The following DSTYK variants were observed in gnomAD, a reference collection of about 807,000 sequenced individuals.
DSTYK encodes the protein dual serine/threonine and tyrosine protein kinase, also known as RIP-homologous kinase.
In DSTYK, 34 loss-of-function variants were observed where a neutral mutation model predicts 98.7. That is an observed-to-expected ratio of 0.34 (90% CI 0.26 to 0.46). DSTYK has a LOEUF of 0.46. Among genes scored for constraint, DSTYK ranks in the 20% least tolerant of loss-of-function variants. The pLI, the probability that DSTYK is intolerant of heterozygous loss-of-function variation, is 1.00. For missense variants in DSTYK, 962 were observed against 1,181.7 expected, an observed-to-expected ratio of 0.81 and a Z score of 2.73; for synonymous variants, 462 against 457.3, an observed-to-expected ratio of 1.01 and a Z score of -0.13.
At chr1:205,160,573 T>G (rs1283851624) in intron 7 of DSTYK, among the ~76,000 whole-genome samples, 2 of 152,046 alleles carry the variant, frequency 1.3e-5, no homozygotes, top group Non-Finnish European at 2.9e-5. Context: ...TGGGCTCAAG[T>G]GATCCACCCA....
intron 1 of DSTYK, among the ~76,000 whole-genome samples, chr1:205,207,017 G>A (rs983202502): frequency 6.6e-6 from 1 of 151,680 alleles, no homozygotes; most frequent in African/African-American, 2.4e-5. Context: ...GTGAAACCAG[G>A]ATTCAAAGAA....
chr1:205,168,896 G>A (rs1305030032), intron 3 of DSTYK, among the ~76,000 whole-genome samples: 1 of 152,200 alleles, frequency 6.6e-6, no homozygotes, highest in South Asian at 2.1e-4. Context: ...CAGGCAGAAA[G>A]TGGAGATTAC....
chr1:205,171,308 G>C (rs12123922), intron 2 of DSTYK, among the ~76,000 whole-genome samples: 2 of 151,780 alleles, frequency 1.3e-5, no homozygotes, highest in South Asian at 4.2e-4. Context: ...AAAATTATCC[G>C]GGTGTGGTGG....
chr1:205,160,606 G>T lies in DSTYK; in HGVS notation c.1949-336C>A, dbSNP rs186696245. Among the ~76,000 whole-genome samples the T allele has an allele frequency of 9.9e-5, 15 of 152,246 alleles. 1 individual carries two copies. The highest frequency in any genetic ancestry group is 9.2e-4 in the Admixed American group (14 of 15,290). On this transcript the variant is annotated intron_variant, in intron 7 of 12. Coordinates refer to ENST00000367162, the MANE Select transcript of DSTYK (RefSeq NM_015375.3). ...CCACCGTGGCCTCCCAAAGTACTGG[G>T]ATTACAGGCATAAGCCACCATGCTG...
chr1:205,187,423 A>G lies in DSTYK; in HGVS notation c.649T>C (p.Leu217=). The G allele has an allele frequency of 6.2e-7, 1 of 1,608,440 alleles. No homozygotes were observed. The highest frequency in any genetic ancestry group is 8.5e-7 in the Non-Finnish European group (1 of 1,176,202). ...TAGAAGTATGAGATTGGTACCTGTAAGAGAGCATGGTGCATCGTTACCTCC... is the reference window on the plus strand; with the variant it reads ...TAGAAGTATGAGATTGGTACCTGTAGGAGAGCATGGTGCATCGTTACCTCC... The part of the protein sequence containing the change: ...ELEVTMHHAL[L]QEVDVVVAPC... Residue 217 remains leucine, a synonymous_variant, in exon 2 of 13, where the codon TTA becomes CTA. Transcript: ENST00000367162.
intron 1 of DSTYK, among the ~76,000 whole-genome samples, chr1:205,198,580 T>C (rs1463321718): frequency 1.3e-5 from 2 of 152,202 alleles, no homozygotes; most frequent in African/African-American, 4.8e-5. Flanking sequence ...GGAATATTCC[T>C]AAAACGTAAA....
chr1:205,195,804 G>A (rs192380312), intron 1 of DSTYK, among the ~76,000 whole-genome samples: 5 of 152,350 alleles, frequency 3.3e-5, no homozygotes, highest in Admixed American at 6.5e-5. Flanking sequence ...TGGGAGCCAC[G>A]TGAAATGGGA....
intron 2 of DSTYK, among the ~76,000 whole-genome samples, chr1:205,171,323 C>T (rs1178883327): frequency 6.6e-6 from 1 of 151,756 alleles, no homozygotes; most frequent in African/African-American, 2.4e-5. Flanking sequence ...TGGTGGTGGG[C>T]GCCTGTAGCC....
intron 10 of DSTYK, among the ~76,000 whole-genome samples, chr1:205,152,983 T>C (rs557135937): frequency 2.2e-4 from 34 of 152,260 alleles, no homozygotes; most frequent in African/African-American, 8.2e-4. Flanking sequence ...TACAGGTCCA[T>C]GGAAGGACAC....
chr1:205,144,318 C>CT lies in DSTYK; in HGVS notation c.*3239dup, dbSNP rs750170439. 1.3e-5 allele frequency: 2 copies of CT among 152,696 alleles called. No individual in the cohort carries two copies. The highest frequency in any genetic ancestry group is 6.5e-5 in the Admixed American group (1 of 15,294). The allele number at this position is 152,696 out of a possible 1,614,324, so 9.5% of individuals were successfully genotyped here. ...ATAAGGGTCATTCTTTCATGCCATC[C>CT]TTTTTCTTCCTCCAGCCACAATCTC... On this transcript the variant is annotated 3_prime_UTR_variant, in exon 13 of 13. Coordinates refer to ENST00000367162, the MANE Select transcript of DSTYK (RefSeq NM_015375.3).
chr1:205,157,180 T>G (rs771555220), intron 10 of DSTYK, 93 bp downstream of exon 10: 2 of 1,070,298 alleles, frequency 1.9e-6, no homozygotes, highest in Non-Finnish European at 2.8e-6. Flanking sequence ...TGTGAGGACT[T>G]TTCTTAGGAT....
chr1:205,152,796 CATTTTGGATTTGTAA>C (rs1346006138), intron 10 of DSTYK, among the ~76,000 whole-genome samples: 3 of 152,062 alleles, frequency 2.0e-5, no homozygotes, highest in Non-Finnish European at 4.4e-5. Context: ...GATTTTGGAG[CATTTTGGATTTGTAA>C]TTTTTGGATT....
At chr1:205,199,021 TA>T in intron 1 of DSTYK, among the ~76,000 whole-genome samples, 1 of 152,296 alleles carries the variant, frequency 6.6e-6, no homozygotes, top group African/African-American at 2.4e-5. Context: ...AGTACTTTTT[TA>T]AAATAAGTGG....
At chr1:205,198,950 G>A (rs1658948484) in intron 1 of DSTYK, among the ~76,000 whole-genome samples, 1 of 151,456 alleles carries the variant, frequency 6.6e-6, no homozygotes, top group Non-Finnish European at 1.5e-5. Context: ...TTCTGCCTCA[G>A]CCTCCCAGGC....
At chr1:205,163,376 C>A (rs11804620) in intron 4 of DSTYK, among the ~76,000 whole-genome samples, 45,413 of 151,824 alleles carry the variant, frequency 0.3, 7,219 homozygotes, top group South Asian at 0.41. Flanking sequence ...TGCACCACCA[C>A]GCCCAGCTAA....
At chr1:205,164,247 G>A (rs1657820289) in intron 3 of DSTYK, among the ~76,000 whole-genome samples, 1 of 152,082 alleles carries the variant, frequency 6.6e-6, no homozygotes, top group Non-Finnish European at 1.5e-5. Flanking sequence ...GAGCCCAGGA[G>A]TTCAAGATGA....
At chr1:205,182,806 C>CAA (rs58571717) in intron 2 of DSTYK, among the ~76,000 whole-genome samples, 10 of 107,450 alleles carry the variant, frequency 9.3e-5, no homozygotes, top group South Asian at 5.8e-4. Flanking sequence ...GACTCCGTCT[C>CAA]AAAAAAAAAA....
intron 9 of DSTYK, among the ~76,000 whole-genome samples, chr1:205,159,127 C>T (rs1247731955): frequency 6.6e-6 from 1 of 151,986 alleles, no homozygotes; most frequent in Non-Finnish European, 1.5e-5. Context: ...CTTGCTCTGT[C>T]ACCCAGGCTA....
At chr1:205,192,249 G>T (rs1658733767) in intron 1 of DSTYK, among the ~76,000 whole-genome samples, 1 of 152,112 alleles carries the variant, frequency 6.6e-6, no homozygotes, top group Non-Finnish European at 1.5e-5. Flanking sequence ...ATGAAGAAAT[G>T]GACCAGGCAT....
Sources: gnomAD v4.1 joint callset for allele counts (sites outside exome capture counted in the v4.1 genomes callset) on GRCh38, gnomAD v4.1.1 for gene constraint, MANE v1.5 for transcripts, NCBI Gene and HGNC (gene_info 2026-07-23, HGNC 2026-07-21) for gene names.